Variants in STK32B observed in about 807,000 individuals in gnomAD.
The protein encoded by STK32B is serine/threonine-protein kinase 32B.
Under a neutral mutation model 52.6 loss-of-function variants are expected in STK32B, and 43 were observed. That is an observed-to-expected ratio of 0.82 (90% confidence interval 0.64 to 1.05). The LOEUF is 1.05. STK32B is among the 50% of genes least tolerant of loss of function. The pLI is 0.00. For missense variants in STK32B, 621 were observed against 534.6 expected, an observed-to-expected ratio of 1.16 and a Z score of -1.59; for synonymous variants, 238 against 204.3, an observed-to-expected ratio of 1.17 and a Z score of -1.41.
chr4:5,332,662 A>G (rs989188837), intron 4 of STK32B, among the ~76,000 whole-genome samples: 2 of 151,986 alleles, frequency 1.3e-5, no homozygotes, highest in African/African-American at 4.8e-5. Context: ...CCACCCCACA[A>G]CAGTCCCCAG....
rs78348997 is a variant in STK32B at position 5,081,692 on chromosome 4, G to A, written c.52+29777G>A. On this transcript the variant is annotated intron_variant, in intron 1 of 11. Coordinates refer to ENST00000282908, the MANE Select transcript of STK32B (RefSeq NM_018401.3). ...TGTTGTCTGTTGTGTTTTTCATTTC[G>A]TTCATCATATTCTTCAGTTTCAGAA... is the stretch of plus-strand genomic sequence containing the variant. Among the ~76,000 whole-genome samples, 3,230 of 151,360 alleles carry A rather than the reference G, an allele frequency of 0.021. 239 individuals are homozygous for A. In the East Asian group the frequency reaches 0.27, roughly 13 times the overall value.
rs184707736 is a variant in STK32B, at chr4:5,295,204, A to G, written c.261-36016A>G. Among the ~76,000 whole-genome samples the G allele has an allele frequency of 3.5e-3, 531 of 151,968 alleles. 4 individuals are homozygous for G. The highest frequency in any genetic ancestry group is 0.012 in the African/African-American group (487 of 41,336). On this transcript the variant is annotated intron_variant, in intron 3 of 11. Coordinates refer to ENST00000282908, the MANE Select transcript of STK32B (RefSeq NM_018401.3). The stretch of plus-strand genomic sequence containing the variant: ...TATTTTATTGAGGATTTTTGCATCA[A>G]TGTTCATCAGGGATATTGGGTTGAA...
Position 5,317,005 on chromosome 4 carries a change from A to G in STK32B, c.261-14215A>G, listed in dbSNP as rs747593596. On this transcript the variant is annotated intron_variant, in intron 3 of 11. Transcript: ENST00000282908. ...ATATAATATATATGATATAATATATAATATATATAATATATAATATATATG... is the reference window on the plus strand; with the variant it reads ...ATATAATATATATGATATAATATATGATATATATAATATATAATATATATG... Among the ~76,000 whole-genome samples, 3 of 25,904 alleles carry G rather than the reference A, an allele frequency of 1.2e-4. No individual in the cohort carries two copies. In the South Asian group the frequency reaches 4.1e-3, roughly 36 times the overall value. 17.0% of individuals were successfully genotyped at this position (25,904 alleles called of 152,430 possible).
intron 1 of STK32B, among the ~76,000 whole-genome samples, chr4:5,090,691 T>G (rs1013437568): frequency 1.7e-4 from 26 of 152,110 alleles, no homozygotes; most frequent in Admixed American, 1.7e-3. Flanking sequence ...AATTTTTGTA[T>G]AAGGTGTAAG....
At chr4:5,493,556 G>GT (rs911027801) in intron 11 of STK32B, among the ~76,000 whole-genome samples, 8 of 151,982 alleles carry the variant, frequency 5.3e-5, no homozygotes, top group African/African-American at 1.4e-4. Flanking sequence ...TTTTTGAAGG[G>GT]TTTTTTTGTG....
At chr4:5,447,098 C>A (rs1715526579) in intron 7 of STK32B, 1 of 215,000 alleles carries the variant, frequency 4.7e-6, no homozygotes, top group Non-Finnish European at 9.4e-6. Flanking sequence ...GAACCCACAA[C>A]ACAAGGTCTT....
intron 3 of STK32B, among the ~76,000 whole-genome samples, chr4:5,305,377 G>T (rs76618418): frequency 1.3e-5 from 2 of 151,866 alleles, no homozygotes; most frequent in African/African-American, 4.8e-5. Flanking sequence ...ATGTGTTATC[G>T]ATCTGTTTAG....
chr4:5,135,045 G>A (rs1410747281), intron 1 of STK32B, among the ~76,000 whole-genome samples: 2 of 152,204 alleles, frequency 1.3e-5, no homozygotes, highest in African/African-American at 2.4e-5. Flanking sequence ...TTTACCCAGT[G>A]TGATCAATCA....
intron 3 of STK32B, among the ~76,000 whole-genome samples, chr4:5,288,814 C>T (rs1406669398): frequency 1.3e-5 from 2 of 152,110 alleles, no homozygotes; most frequent in Admixed American, 1.3e-4. Context: ...TCTTGAAAAC[C>T]TACACCTATG....
At chr4:5,420,298 C>T (rs1177387359) in intron 6 of STK32B, among the ~76,000 whole-genome samples, 3 of 152,138 alleles carry the variant, frequency 2.0e-5, no homozygotes, top group Non-Finnish European at 2.9e-5. Flanking sequence ...TCATGGGAGC[C>T]TGAACACTTA....
In STK32B at chr4:5,453,959, C is replaced by T. The variant is rs1194783909; in HGVS notation, c.667-2848C>T. On this transcript the variant is annotated intron_variant, in intron 7 of 11. Transcript: ENST00000282908. This position sits in a 1 kb window ranked among gnomAD's most constrained non-coding sequence, Gnocchi z 4.0. ...GCCCCAGCTCATCTCCCAGTGGTAG[C>T]CCTGAGCTCTGGGTCTCCTGTCCCT... Among the ~76,000 whole-genome samples the T allele has an allele frequency of 6.6e-6, 1 of 151,600 alleles. No homozygotes were observed. Among genetic ancestry groups the T allele is most frequent in the African/African-American group, 2.4e-5 (1 of 40,984 alleles).
chr4:5,089,688 C>A (rs1712947089), intron 1 of STK32B, among the ~76,000 whole-genome samples: 1 of 152,086 alleles, frequency 6.6e-6, no homozygotes. Context: ...CTTTATAGTA[C>A]AATGATTTAT....
chr4:5,080,310 C>T (rs545131161), intron 1 of STK32B, among the ~76,000 whole-genome samples: 1 of 152,264 alleles, frequency 6.6e-6, no homozygotes, highest in South Asian at 2.1e-4. Flanking sequence ...CCCTCAGGAC[C>T]TTTGATCTCA....
intron 4 of STK32B, among the ~76,000 whole-genome samples, chr4:5,358,260 CTG>C (rs761928426): frequency 3.9e-5 from 6 of 152,126 alleles, no homozygotes; most frequent in Non-Finnish European, 8.8e-5. Context: ...GTCAGAGAAA[CTG>C]GAATGAAATC....
chr4:5,249,125 T>C (rs1379251429), intron 3 of STK32B, among the ~76,000 whole-genome samples: 1 of 152,196 alleles, frequency 6.6e-6, no homozygotes, highest in African/African-American at 2.4e-5. Flanking sequence ...ATCAATACTT[T>C]TGCAGTGTGC....
the STK32B span, among the ~76,000 whole-genome samples, chr4:5,030,905 A>G: frequency 6.6e-6 from 1 of 152,224 alleles, no homozygotes; most frequent in Non-Finnish European, 1.5e-5. Flanking sequence ...ACACACATCT[A>G]TACATATACA....
chr4:5,235,974 G>A (rs1304657140), intron 3 of STK32B, among the ~76,000 whole-genome samples: 1 of 152,152 alleles, frequency 6.6e-6, no homozygotes, highest in Admixed American at 6.5e-5. Context: ...CAGCAGGAGG[G>A]GATGGGAGGG....
intron 4 of STK32B, among the ~76,000 whole-genome samples, chr4:5,358,692 C>G (rs989636037): frequency 7.3e-6 from 1 of 136,720 alleles, no homozygotes; most frequent in Non-Finnish European, 1.5e-5. Context: ...AGGACACATT[C>G]ACACACATGC....
intron 3 of STK32B, among the ~76,000 whole-genome samples, chr4:5,328,707 C>T (rs1183663859): frequency 2.0e-5 from 3 of 152,190 alleles, no homozygotes; most frequent in African/African-American, 4.8e-5. Context: ...CACAGAGATA[C>T]AAACTGAGCA....
Sources: gnomAD v4.1 joint callset for allele counts (sites outside exome capture counted in the v4.1 genomes callset) on GRCh38, gnomAD v4.1.1 for gene constraint, Gnocchi (gnomAD v3.1) non-coding constraint, MANE v1.5 for transcripts, NCBI Gene and HGNC (gene_info 2026-07-23, HGNC 2026-07-21) for gene names.